Variants in SEMA3D observed in about 807,000 individuals in gnomAD.
SEMA3D encodes the protein semaphorin 3D, also known as semaphorin-3D.
SEMA3D carries 84 observed loss-of-function variants against 100.1 expected under a neutral mutation model. The ratio of observed to expected loss-of-function variants is 0.84; its 90% CI spans 0.70 to 1.01. The LOEUF is 1.01. Ranked by LOEUF, SEMA3D falls within the 50% of genes least tolerant of loss-of-function variation. SEMA3D has a pLI of 0.00. For synonymous variants in SEMA3D, 312 were observed against 320.7 expected (o/e 0.97, Z 0.29); for missense variants, 875 against 934.1 (o/e 0.94, Z 0.82).
chr7:85,194,132 G>A, the SEMA3D span, among the ~76,000 whole-genome samples: 99 of 152,236 alleles, frequency 6.5e-4, no homozygotes, highest in African/African-American at 2.2e-3. Flanking sequence ...CTAAGTAGAT[G>A]ATTATGTTAT....
intron 4 of SEMA3D, among the ~76,000 whole-genome samples, chr7:85,092,284 A>T (rs1232938865): frequency 1.3e-5 from 2 of 152,028 alleles, no homozygotes; most frequent in Non-Finnish European, 2.9e-5. Flanking sequence ...TAACTGTATT[A>T]TGCCTTGTCT....
chr7:85,205,059 C>A, the SEMA3D span, among the ~76,000 whole-genome samples: 2 of 151,964 alleles, frequency 1.3e-5, no homozygotes, highest in Non-Finnish European at 2.9e-5. Context: ...ATTTTTTTCA[C>A]AAATATGCTA....
intron 8 of SEMA3D, among the ~76,000 whole-genome samples, chr7:85,064,972 C>T (rs560571877): frequency 3.3e-5 from 5 of 152,014 alleles, no homozygotes; most frequent in African/African-American, 4.8e-5. Context: ...CAATCTAACC[C>T]GAGTTCATTG....
chr7:85,250,176 G>A, the SEMA3D span, among the ~76,000 whole-genome samples: 3 of 150,636 alleles, frequency 2.0e-5, no homozygotes, highest in Non-Finnish European at 4.4e-5. Flanking sequence ...AAAAAATGGC[G>A]CACCACGAGA....
chr7:85,138,657 T>G (rs1463095483), intron 2 of SEMA3D, among the ~76,000 whole-genome samples: 1 of 146,218 alleles, frequency 6.8e-6, no homozygotes, highest in Non-Finnish European at 1.5e-5. Context: ...TTTAATTTAA[T>G]ATATATATTA....
At chr7:85,076,150 T>C (rs968451571) in intron 5 of SEMA3D, among the ~76,000 whole-genome samples, 1 of 152,162 alleles carries the variant, frequency 6.6e-6, no homozygotes, top group Non-Finnish European at 1.5e-5. Flanking sequence ...CAGGGAGTAA[T>C]GTATTCAACT....
At chr7:85,081,445 A>G in intron 5 of SEMA3D, 72 bp downstream of exon 5, 1 of 961,966 alleles carries the variant, frequency 1.0e-6, no homozygotes, top group Non-Finnish European at 1.7e-6. Flanking sequence ...AATTCAGTAA[A>G]GCCCAATATA....
intron 3 of SEMA3D, among the ~76,000 whole-genome samples, chr7:85,116,018 G>T (rs1234610720): frequency 6.6e-6 from 1 of 151,764 alleles, no homozygotes; most frequent in Non-Finnish European, 1.5e-5. Context: ...AGATATATAG[G>T]AGTATTTCAT....
At chr7:85,085,941 TC>T (rs1788200259) in intron 4 of SEMA3D, among the ~76,000 whole-genome samples, 1 of 152,196 alleles carries the variant, frequency 6.6e-6, no homozygotes, top group Admixed American at 6.5e-5. Flanking sequence ...AGTTGCACCA[TC>T]CTAGTTGATG....
chr7:85,038,184 A>T (rs960532048), intron 11 of SEMA3D, among the ~76,000 whole-genome samples: 2 of 152,074 alleles, frequency 1.3e-5, no homozygotes, highest in Non-Finnish European at 2.9e-5. Context: ...GTACCCTAAA[A>T]CTTAAAGTAT....
chr7:85,249,985 G>C, the SEMA3D span, among the ~76,000 whole-genome samples: 221 of 152,232 alleles, frequency 1.5e-3, 1 homozygote, highest in African/African-American at 4.8e-3. Flanking sequence ...AAGTGCCAGA[G>C]AGTGGGCCCA....
chr7:85,052,962 A>G (rs1791208165), intron 9 of SEMA3D, among the ~76,000 whole-genome samples: 1 of 151,950 alleles, frequency 6.6e-6, no homozygotes, highest in Non-Finnish European at 1.5e-5. Context: ...TATACTACTT[A>G]GTCTAATAGT....
rs370912735 is a variant in SEMA3D at position 85,052,957 on chromosome 7, T to C, written c.861+2760A>G. ...CTTTTCCCCACCAATCACAGTATAC[T>C]ACTTAGTCTAATAGTATCTTTGACC... On this transcript the variant is annotated intron_variant, in intron 9 of 18. Transcript: ENST00000284136. Among the ~76,000 whole-genome samples, 16 of 152,084 alleles carry C rather than the reference T, an allele frequency of 1.1e-4. No homozygotes were observed. In the East Asian group the frequency reaches 1.9e-3, roughly 18 times the overall value.
chr7:85,224,283 G>C, the SEMA3D span, among the ~76,000 whole-genome samples: 1 of 152,136 alleles, frequency 6.6e-6, no homozygotes, highest in Non-Finnish European at 1.5e-5. Flanking sequence ...CTGAAGTCCA[G>C]AGAATTTAAA....
chr7:85,215,573 A>G, the SEMA3D span, among the ~76,000 whole-genome samples: 2 of 152,062 alleles, frequency 1.3e-5, no homozygotes, highest in Admixed American at 1.3e-4. Flanking sequence ...TAGTTCTCAA[A>G]CTGTTAATCT....
the SEMA3D span, among the ~76,000 whole-genome samples, chr7:85,199,900 T>A: frequency 1.3e-3 from 205 of 152,168 alleles, no homozygotes; most frequent in Non-Finnish European, 2.4e-3. Flanking sequence ...GGTGCGCTGT[T>A]CTCATGACAG....
At chr7:85,107,752 T>G (rs749911327) in intron 3 of SEMA3D, among the ~76,000 whole-genome samples, 4 of 152,102 alleles carry the variant, frequency 2.6e-5, no homozygotes, top group Non-Finnish European at 5.9e-5. Flanking sequence ...ACTTTAAGTC[T>G]GTTTAACCCC....
upstream of SEMA3D, among the ~76,000 whole-genome samples, chr7:85,190,753 A>G (rs1025503880): frequency 6.6e-6 from 1 of 152,158 alleles, no homozygotes; most frequent in South Asian, 2.1e-4. Flanking sequence ...GACAGAAAAC[A>G]GTTTATCTTT....
At chr7:85,231,525 A>C in the SEMA3D span, among the ~76,000 whole-genome samples, 1 of 134,242 alleles carries the variant, frequency 7.4e-6, no homozygotes, top group Non-Finnish European at 1.5e-5. Context: ...ATCTCGGCTC[A>C]CTGCAAGCTC....
Sources: allele counts gnomAD v4.1 joint callset (sites outside exome capture counted in the v4.1 genomes callset), GRCh38; gene constraint gnomAD v4.1.1; transcripts MANE v1.5; gene names NCBI Gene and HGNC (gene_info 2026-07-23, HGNC 2026-07-21).